DIRAS2: variants seen among roughly 807,000 people sequenced by gnomAD.
DIRAS2 encodes GTP-binding protein Di-Ras2.
Under a neutral mutation model 13.9 loss-of-function variants are expected in DIRAS2, and 5 were observed. That is an observed-to-expected ratio of 0.36 (90% CI 0.19 to 0.76). DIRAS2 has a LOEUF of 0.76. DIRAS2 is among the 30% of genes least tolerant of loss of function. The pLI is 0.53. For missense variants in DIRAS2, 191 were observed against 263.0 expected, an observed-to-expected ratio of 0.73 and a Z score of 1.89; for synonymous variants, 111 against 105.4, an observed-to-expected ratio of 1.05 and a Z score of -0.33.
intron 1 of DIRAS2, among the ~76,000 whole-genome samples, chr9:90,630,827 A>G (rs1324715383): frequency 6.6e-6 from 1 of 152,208 alleles, no homozygotes; most frequent in East Asian, 1.9e-4. Context: ...GAGACACAGT[A>G]CCTGCTTTGG....
intron 1 of DIRAS2, among the ~76,000 whole-genome samples, chr9:90,630,092 C>G (rs1162931003): frequency 6.6e-6 from 1 of 152,208 alleles, no homozygotes; most frequent in Non-Finnish European, 1.5e-5. Flanking sequence ...CTCTCTCCTA[C>G]TCCCTACTCG....
In DIRAS2 at chr9:90,616,736, CA is replaced by C. The variant is rs11422558; in HGVS notation, c.-36-2874del. On this transcript the variant is annotated intron_variant, in intron 1 of 1. Coordinates refer to ENST00000375765, the MANE Select transcript of DIRAS2 (RefSeq NM_017594.5). Reference sequence around the variant, plus strand: ...TGGGTGACAGAGCAAGACTCCATCACAAAAAAAAAAAAAAAAAAAAAATTGT... The same window carrying C: ...TGGGTGACAGAGCAAGACTCCATCACAAAAAAAAAAAAAAAAAAAAATTGT... Among the ~76,000 whole-genome samples, 746 of 88,466 alleles carry C rather than the reference CA, an allele frequency of 8.4e-3. 4 individuals are homozygous for C. The highest frequency in any genetic ancestry group is 0.075 in the South Asian group (184 of 2,462). The allele number at this position is 88,466 out of a possible 152,430, so 58.0% of individuals were successfully genotyped here.
At chr9:90,624,745 C>T (rs944559198) in intron 1 of DIRAS2, among the ~76,000 whole-genome samples, 2 of 151,692 alleles carry the variant, frequency 1.3e-5, no homozygotes, top group Non-Finnish European at 2.9e-5. Flanking sequence ...TGGAGTCTCA[C>T]TCTGTCGCCA....
chr9:90,626,466 A>C (rs1445840836), intron 1 of DIRAS2, among the ~76,000 whole-genome samples: 1 of 151,838 alleles, frequency 6.6e-6, no homozygotes, highest in African/African-American at 2.4e-5. Context: ...AAAGACAAGA[A>C]ACTTGAATAG....
intron 1 of DIRAS2, among the ~76,000 whole-genome samples, chr9:90,639,996 C>G (rs951402774): frequency 1.3e-5 from 2 of 152,302 alleles, no homozygotes; most frequent in South Asian, 2.1e-4. Flanking sequence ...CTATTGAGCA[C>G]TGGAAGCACA....
chr9:90,610,473 C>A lies in DIRAS2; in HGVS notation c.*2755G>T, dbSNP rs900447181. 22 of 398,746 alleles carry A rather than the reference C, an allele frequency of 5.5e-5. No homozygotes were observed. Among genetic ancestry groups the A allele is most frequent in the Non-Finnish European group, 1.8e-5 (4 of 226,046 alleles). 24.7% of individuals were successfully genotyped at this position (398,746 alleles called of 1,614,324 possible). On this transcript the variant is annotated 3_prime_UTR_variant, in exon 2 of 2. Transcript: ENST00000375765. ...GGGGATAGAAGGGAAGTCATGGAGC[C>A]CCATGCTCATGCCCAGAGCGCCATC...
In DIRAS2 at chr9:90,633,050, A is replaced by G. The variant is rs75905582; in HGVS notation, c.-37+9702T>C. ...AAGGAGACAGCACGGAGCCTTTCAC[A>G]TACTGGAAGGAGAGTGCCACCGTGG... is the stretch of plus-strand genomic sequence containing the variant. On this transcript the variant is annotated intron_variant, in intron 1 of 1. Transcript: ENST00000375765. 2.0e-4 allele frequency among the ~76,000 whole-genome samples: 30 copies of G among 148,568 alleles called. No homozygotes were observed. In the East Asian group the frequency reaches 4.0e-3, roughly 20 times the overall value.
chr9:90,620,684 A>C (rs1008044696), intron 1 of DIRAS2, among the ~76,000 whole-genome samples: 1 of 151,968 alleles, frequency 6.6e-6, no homozygotes, highest in Non-Finnish European at 1.5e-5. Flanking sequence ...TGAACCCAGG[A>C]GCAGAGATCA....
In DIRAS2 at chr9:90,622,190, T is replaced by G. The variant is rs1825225075; in HGVS notation, c.-36-8327A>C. ...TCTCTTCAGCCCAGGAATGTGAGGT[T>G]GCAGTGAGCTGTGATCACACCACTG... On this transcript the variant is annotated intron_variant, in intron 1 of 1. Transcript: ENST00000375765. Among the ~76,000 whole-genome samples the G allele has an allele frequency of 2.6e-5, 4 of 152,322 alleles. No homozygotes were observed. The South Asian group carries it at 8.3e-4, about 32-fold the overall frequency.
chr9:90,639,035 G>A (rs539370217), intron 1 of DIRAS2, among the ~76,000 whole-genome samples: 9 of 152,212 alleles, frequency 5.9e-5, no homozygotes, highest in Admixed American at 2.6e-4. Flanking sequence ...AAGTTCTTGC[G>A]TTCTTATTTT....
intron 1 of DIRAS2, among the ~76,000 whole-genome samples, chr9:90,616,213 T>G (rs1281010267): frequency 6.6e-6 from 1 of 152,200 alleles, no homozygotes; most frequent in Non-Finnish European, 1.5e-5. Flanking sequence ...AAGTAAATGC[T>G]AAACATAAAA....
chr9:90,629,045 G>A (rs1825299687), intron 1 of DIRAS2, among the ~76,000 whole-genome samples: 3 of 151,868 alleles, frequency 2.0e-5, no homozygotes, highest in Admixed American at 6.6e-5. Flanking sequence ...TAGTAGAGAC[G>A]GGGTTTCACC....
chr9:90,632,975 C>T (rs373898583), intron 1 of DIRAS2, among the ~76,000 whole-genome samples: 7 of 152,142 alleles, frequency 4.6e-5, no homozygotes, highest in African/African-American at 1.2e-4. Flanking sequence ...CTGTTGTAGA[C>T]GGATTAGTGA....
intron 1 of DIRAS2, among the ~76,000 whole-genome samples, chr9:90,634,634 G>A (rs1488326856): frequency 6.6e-6 from 1 of 152,138 alleles, no homozygotes; most frequent in African/African-American, 2.4e-5. Context: ...AGTCAACAGA[G>A]GAAAGGAACA....
At chr9:90,622,405 T>G (rs1825227945) in intron 1 of DIRAS2, among the ~76,000 whole-genome samples, 1 of 152,126 alleles carries the variant, frequency 6.6e-6, no homozygotes, top group Non-Finnish European at 1.5e-5. Context: ...CATCAAACTT[T>G]GCTAATTGAA....
intron 1 of DIRAS2, among the ~76,000 whole-genome samples, chr9:90,623,907 A>T (rs928224844): frequency 1.3e-5 from 2 of 152,202 alleles, no homozygotes; most frequent in Non-Finnish European, 2.9e-5. Flanking sequence ...AAAATTATAG[A>T]TTGGAAGAAT....
intron 1 of DIRAS2, among the ~76,000 whole-genome samples, chr9:90,636,760 G>C (rs1360105175): frequency 6.6e-6 from 1 of 152,240 alleles, no homozygotes; most frequent in African/African-American, 2.4e-5. Context: ...TATTTAGTCA[G>C]AGAGATAGAC....
intron 1 of DIRAS2, among the ~76,000 whole-genome samples, chr9:90,639,699 C>A (rs947548761): frequency 6.6e-6 from 1 of 152,126 alleles, no homozygotes; most frequent in African/African-American, 2.4e-5. Flanking sequence ...TGAGTTGGAT[C>A]CCTCGTATCT....
intron 1 of DIRAS2, among the ~76,000 whole-genome samples, chr9:90,630,022 G>A (rs1028779046): frequency 2.6e-5 from 4 of 152,132 alleles, no homozygotes; most frequent in African/African-American, 9.7e-5. Context: ...AAGATACTTT[G>A]ATACATATAT....
Sources: allele counts gnomAD v4.1 joint callset (sites outside exome capture counted in the v4.1 genomes callset), GRCh38; gene constraint gnomAD v4.1.1; transcripts MANE v1.5; gene names NCBI Gene and HGNC (gene_info 2026-07-23, HGNC 2026-07-21).